Variants in NAALADL2 observed in about 807,000 individuals in gnomAD.
The protein encoded by NAALADL2 is N-acetylated alpha-linked acidic dipeptidase like 2.
A neutral mutation model predicts 87.2 loss-of-function variants in NAALADL2; 76 were observed. That is an observed-to-expected ratio of 0.87 (90% CI 0.72 to 1.05). NAALADL2 has a LOEUF of 1.05. Among genes scored for constraint, NAALADL2 ranks in the 50% least tolerant of loss-of-function variants. The pLI is 0.00. For synonymous variants in NAALADL2, 354 were observed against 331.0 expected, an observed-to-expected ratio of 1.07 and a Z score of -0.75; for missense variants, 1,089 against 945.8, an observed-to-expected ratio of 1.15 and a Z score of -1.99.
rs772138515 is a variant in NAALADL2, at chr3:175,803,181, G to A, written c.2366G>A (p.Ser789Asn). ...AAAGCAGGACTTGATGTGTTCAAGA[G>A]TGTCTTGGATGGGAAGAATTGAGAA... ...YFKAGLDVFK[S>N]VLDGKN The change falls in exon 14 of 14, where the codon AGT becomes AAT. Residue 789 changes from serine (S) to asparagine (N), a missense_variant. By Grantham distance (46) the Ser-to-Asn change is conservative (BLOSUM62 1). Coordinates refer to ENST00000454872, the MANE Select transcript of NAALADL2 (RefSeq NM_207015.3). 6.5e-5 allele frequency: 105 copies of A among 1,609,376 alleles called. No homozygotes were observed. The highest frequency in any genetic ancestry group is 8.6e-5 in the Non-Finnish European group (101 of 1,177,670).
intron 2 of NAALADL2, among the ~76,000 whole-genome samples, chr3:175,220,305 A>T (rs1194896396): frequency 4.1e-5 from 6 of 145,480 alleles, no homozygotes. Context: ...TTTTTGAAAT[A>T]TGTAAAACAA....
At chr3:175,318,560 A>G (rs973944359) in intron 4 of NAALADL2, among the ~76,000 whole-genome samples, 11 of 152,232 alleles carry the variant, frequency 7.2e-5, no homozygotes, top group African/African-American at 2.7e-4. Flanking sequence ...ATAAAAATGA[A>G]CAATACTCCC....
At chr3:175,053,011 ATTG>A (rs1183673699) in intron 1 of NAALADL2, among the ~76,000 whole-genome samples, 2 of 152,168 alleles carry the variant, frequency 1.3e-5, no homozygotes, top group Non-Finnish European at 2.9e-5. Context: ...TTCCATAGGA[ATTG>A]TTGTGCAGCA....
At chr3:174,962,942 G>T (rs1742328790) in intron 1 of NAALADL2, among the ~76,000 whole-genome samples, 3 of 152,000 alleles carry the variant, frequency 2.0e-5, no homozygotes, top group Admixed American at 2.0e-4. Flanking sequence ...TTTACCTCTA[G>T]AATACATATA....
intron 1 of NAALADL2, among the ~76,000 whole-genome samples, chr3:174,943,578 G>A (rs756560312): frequency 2.2e-4 from 34 of 152,198 alleles, no homozygotes; most frequent in Non-Finnish European, 4.0e-4. Context: ...AGCAGACGAA[G>A]GGACCCTAGT....
At chr3:175,737,153 A>G (rs1281186901) in intron 11 of NAALADL2, among the ~76,000 whole-genome samples, 153 bp from the exon 12 acceptor site, 1 of 152,192 alleles carries the variant, frequency 6.6e-6, no homozygotes, top group Non-Finnish European at 1.5e-5. Flanking sequence ...TTAAATAAAG[A>G]TTTAAAAGAA....
rs371028226 is a variant in NAALADL2, at chr3:175,292,814, GAT to G, written c.940-31360_940-31359del. Among the ~76,000 whole-genome samples the G allele has an allele frequency of 9.9e-3, 1,499 of 151,960 alleles. 28 individuals are homozygous for G. Among genetic ancestry groups the G allele is most frequent in the African/African-American group, 0.034 (1,409 of 41,454 alleles). ...GCACTTTGGGAGGCCGAGGTGGGTGGATCTCGAGGTCAGGAGATCGAGACCAT... is the reference window on the plus strand; with the variant it reads ...GCACTTTGGGAGGCCGAGGTGGGTGGCTCGAGGTCAGGAGATCGAGACCAT... On this transcript the variant is annotated intron_variant, in intron 4 of 13. Transcript: ENST00000454872.
intron 2 of NAALADL2, among the ~76,000 whole-genome samples, chr3:175,197,057 G>C (rs996498712): frequency 2.6e-5 from 4 of 151,952 alleles, no homozygotes; most frequent in African/African-American, 9.7e-5. Context: ...GCTGGAGAGA[G>C]AAAGTGCTCA....
chr3:175,414,977 GA>G (rs1714308850), intron 5 of NAALADL2, among the ~76,000 whole-genome samples: 1 of 152,090 alleles, frequency 6.6e-6, no homozygotes, highest in Non-Finnish European at 1.5e-5. Context: ...CTGATCAAAA[GA>G]AAACACTTTT....
chr3:175,413,191 G>A (rs1713926408), intron 5 of NAALADL2, among the ~76,000 whole-genome samples: 1 of 143,032 alleles, frequency 7.0e-6, no homozygotes, highest in South Asian at 2.3e-4. Context: ...GAGGTCAGGA[G>A]ATGGAGAATA....
At chr3:174,828,860 A>C (rs983498910) in intron 3 of NAALADL2, among the ~76,000 whole-genome samples, 4 of 152,210 alleles carry the variant, frequency 2.6e-5, no homozygotes, top group Non-Finnish European at 5.9e-5. Flanking sequence ...GGGATGAGCT[A>C]TATGATGTAG....
chr3:174,960,802 CT>C (rs1741864654), intron 1 of NAALADL2, among the ~76,000 whole-genome samples: 1 of 151,768 alleles, frequency 6.6e-6, no homozygotes, highest in Non-Finnish European at 1.5e-5. Context: ...AAGGACTTGC[CT>C]TTTAAAAGAA....
rs560559779 is a variant in NAALADL2 at position 175,216,920 on chromosome 3, G to T, written c.546-17011G>T. On this transcript the variant is annotated intron_variant, in intron 2 of 13. Coordinates refer to ENST00000454872, the MANE Select transcript of NAALADL2 (RefSeq NM_207015.3). ...CTGACCTCGTGATCTGCCCGCCTCA[G>T]CCTCCCAAAGGGTTGGGATTACAGG... Among the ~76,000 whole-genome samples, 29 of 152,168 alleles carry T rather than the reference G, an allele frequency of 1.9e-4. 1 individual carries two copies. In the South Asian group the frequency reaches 6.0e-3, roughly 32 times the overall value.
intron 2 of NAALADL2, among the ~76,000 whole-genome samples, chr3:174,619,227 C>T (rs1720768366): frequency 6.6e-6 from 1 of 151,862 alleles, no homozygotes; most frequent in South Asian, 2.1e-4. Flanking sequence ...TCTATTTTCC[C>T]TTTAAATGGT....
chr3:174,574,168 T>A (rs1365088198), intron 2 of NAALADL2, among the ~76,000 whole-genome samples: 1 of 152,194 alleles, frequency 6.6e-6, no homozygotes, highest in Non-Finnish European at 1.5e-5. Context: ...TCAATTGATA[T>A]AGTTTTCTGA....
At chr3:174,763,276 C>T (rs1220139143) in intron 3 of NAALADL2, among the ~76,000 whole-genome samples, 2 of 151,796 alleles carry the variant, frequency 1.3e-5, no homozygotes, top group African/African-American at 2.4e-5. Flanking sequence ...ATTTTATGTA[C>T]TGAAGAAGAT....
At chr3:174,639,626 T>C (rs1007291820) in intron 2 of NAALADL2, among the ~76,000 whole-genome samples, 1 of 152,292 alleles carries the variant, frequency 6.6e-6, no homozygotes, top group Middle Eastern at 3.4e-3. Flanking sequence ...AAAACCCTGA[T>C]TCTTAGGCTC....
At chr3:175,137,321 T>A (rs1729258708) in intron 2 of NAALADL2, among the ~76,000 whole-genome samples, 1 of 152,120 alleles carries the variant, frequency 6.6e-6, no homozygotes, top group Admixed American at 6.5e-5. Context: ...TTTAACCAGT[T>A]TATTTAACCT....
intron 7 of NAALADL2, among the ~76,000 whole-genome samples, chr3:175,465,420 G>C (rs1723840489): frequency 6.6e-6 from 1 of 151,296 alleles, no homozygotes; most frequent in African/African-American, 2.4e-5. Flanking sequence ...TAAATTCTTG[G>C]GTTTTTAACA....
Sources: gnomAD v4.1 joint callset for allele counts (sites outside exome capture counted in the v4.1 genomes callset) on GRCh38, gnomAD v4.1.1 for gene constraint, MANE v1.5 for transcripts, NCBI Gene and HGNC (gene_info 2026-07-23, HGNC 2026-07-21) for gene names.